TIMM44: variants seen among roughly 807,000 people sequenced by gnomAD.
The protein encoded by TIMM44 is mitochondrial import inner membrane translocase subunit TIM44.
TIMM44 carries 37 observed loss-of-function variants against 63.8 expected under a neutral mutation model. That is an observed-to-expected ratio of 0.58 (90% confidence interval 0.45 to 0.76). TIMM44 has a LOEUF of 0.76. Ranked by LOEUF, TIMM44 falls within the 30% of genes least tolerant of loss-of-function variation. The probability of loss-of-function intolerance (pLI) is 0.00; values close to 1 mark genes in which losing one functional copy is unlikely to be tolerated. For missense variants in TIMM44, 573 were observed against 603.8 expected (o/e 0.95, Z 0.54); for synonymous variants, 239 against 245.1 (o/e 0.98, Z 0.23).
chr19:7,935,167 CTTTTTTT>C, intron 3 of TIMM44, 22 bp from the exon 4 acceptor site: 32 of 1,253,948 alleles, frequency 2.6e-5, no homozygotes, highest in Non-Finnish European at 2.9e-5. Context: ...GCGCTGTGTC[CTTTTTTT>C]TTTTTTTTTT....
chr19:7,936,472 G>A (rs1488827381), intron 3 of TIMM44, among the ~76,000 whole-genome samples: 4 of 152,010 alleles, frequency 2.6e-5, no homozygotes, highest in Admixed American at 1.3e-4. Context: ...AACAAAAAAC[G>A]AACAAACAAA....
At chr19:7,938,324 T>C (rs1374818926) in intron 2 of TIMM44, 127 bp from the exon 3 acceptor site, 2 of 689,820 alleles carry the variant, frequency 2.9e-6, no homozygotes, top group Non-Finnish European at 4.8e-6. Flanking sequence ...TAATGATGAT[T>C]AGCTATCTCT....
chr19:7,931,049 T>A, intron 10 of TIMM44, 89 bp downstream of exon 10: 8 of 1,258,050 alleles, frequency 6.4e-6, no homozygotes, highest in Admixed American at 2.1e-5. Context: ...TGTTGGGAGC[T>A]ACCCCAACGG....
chr19:7,933,644 G>C lies in TIMM44; in HGVS notation c.684-74C>G. 4 of 1,422,300 alleles carry C rather than the reference G, an allele frequency of 2.8e-6. No individual in the cohort carries two copies. The highest frequency in any genetic ancestry group is 4.0e-6 in the Non-Finnish European group (4 of 1,006,646). The allele number at this position is 1,422,300 out of a possible 1,614,324, so 88.1% of individuals were successfully genotyped here. A position where few individuals can be genotyped will look rare whatever the true frequency, so the allele number is the denominator to read the frequency against. On this transcript the variant is annotated intron_variant, in intron 6 of 12. Coordinates refer to ENST00000270538, the MANE Select transcript of TIMM44 (RefSeq NM_006351.4). This position sits in a 1 kb window ranked among gnomAD's most constrained non-coding sequence, Gnocchi z 4.3. ...CTGTGCCCTCCTGCGGCTGCAGGCA[G>C]GGGGCAGTACAGGACAGCAGGCAGC...
rs374036580 is a variant in TIMM44, at chr19:7,934,266, G to A, written c.394-28C>T. ...ACTGAGACAGACACAGAGAGGGGGC[G>A]TTGGCACCGGCCCTGGCGGCCGGGG... is the stretch of plus-strand genomic sequence containing the variant. On this transcript the variant is annotated intron_variant, in intron 4 of 12. Transcript: ENST00000270538. This position sits in a 1 kb window ranked among gnomAD's most constrained non-coding sequence, Gnocchi z 5.3. 5.4e-5 allele frequency: 87 copies of A among 1,608,564 alleles called. No individual in the cohort carries two copies. The highest frequency in any genetic ancestry group is 2.5e-4 in the Admixed American group (15 of 60,006).
rs1171095040 is a variant in TIMM44 at position 7,933,263 on chromosome 19, G to A, written c.769+222C>T. On this transcript the variant is annotated intron_variant, in intron 7 of 12. Transcript: ENST00000270538. The surrounding 1 kb of genome is among the most constrained non-coding windows in gnomAD (Gnocchi z 4.3). ...GACAAGGGACAGGGGCCTGCGGCTC[G>A]TTTCGGGGCCCTGACTGTGCTTATG... 1.3e-5 allele frequency among the ~76,000 whole-genome samples: 2 copies of A among 152,148 alleles called. No homozygotes were observed. Among genetic ancestry groups the A allele is most frequent in the Admixed American group, 1.3e-4 (2 of 15,282 alleles).
chr19:7,932,479 G>A lies in TIMM44; in HGVS notation c.987+148C>T, dbSNP rs192856708. ...CACAGCTCATGGGGCAGCTGCAGCC[G>A]GGCAGGAGCCCGTGTGCAACCAGCC... is the stretch of plus-strand genomic sequence containing the variant. On this transcript the variant is annotated intron_variant, in intron 9 of 12. Transcript: ENST00000270538. 4.8e-5 allele frequency: 55 copies of A among 1,136,078 alleles called. 1 individual carries two copies. The highest frequency in any genetic ancestry group is 1.0e-4 in the Admixed American group (5 of 48,666). The allele number at this position is 1,136,078 out of a possible 1,614,324, so 70.4% of individuals were successfully genotyped here.
intron 10 of TIMM44, among the ~76,000 whole-genome samples, chr19:7,929,459 G>A (rs949897570): frequency 2.0e-5 from 3 of 152,168 alleles, no homozygotes; most frequent in Non-Finnish European, 4.4e-5. Context: ...AACCCCATCC[G>A]TGCCCCATAG....
At position 7,933,886 on chromosome 19, in the gene TIMM44, C is replaced by T. The variant is rs1324952268; in HGVS notation, c.661G>A (p.Glu221Lys). The T allele has an allele frequency of 6.2e-7, 1 of 1,614,154 alleles. No homozygotes were observed. Residue 221 changes from glutamate (E) to lysine (K), a missense_variant, in exon 6 of 13, where the codon GAG (glutamate) becomes AAG (lysine). Coordinates refer to ENST00000270538, the MANE Select transcript of TIMM44 (RefSeq NM_006351.4). The surrounding 1 kb of genome is among the most constrained non-coding windows in gnomAD (Gnocchi z 4.3). Reference sequence around the variant, plus strand: ...TACTCGTTTGGCTCAAACACTTTCTCCTCCTTGAACTTATCTCCCGCAAAC... The same window carrying T: ...TACTCGTTTGGCTCAAACACTTTCTTCTCCTTGAACTTATCTCCCGCAAAC... ...TEFAGDKFKE[E>K]KVFEPNEEAL...
At chr19:7,941,749 G>C (rs543264197) in intron 1 of TIMM44, among the ~76,000 whole-genome samples, 18 of 152,176 alleles carry the variant, frequency 1.2e-4, no homozygotes, top group African/African-American at 4.3e-4. Context: ...GGGGAAAACG[G>C]ACAGGTCCCA....
Position 7,933,065 on chromosome 19 carries a change from T to G in TIMM44, c.770-133A>C. Reference sequence around the variant, plus strand: ...CGGGTGGGGTCAGGGAGGGGACGGCTGTGGACCTGCATCCTCATCTGTGCT... The same window carrying G: ...CGGGTGGGGTCAGGGAGGGGACGGCGGTGGACCTGCATCCTCATCTGTGCT... On this transcript the variant is annotated intron_variant, in intron 7 of 12. Coordinates refer to ENST00000270538, the MANE Select transcript of TIMM44 (RefSeq NM_006351.4). The surrounding 1 kb of genome is among the most constrained non-coding windows in gnomAD (Gnocchi z 4.3). 6 of 747,868 alleles carry G rather than the reference T, an allele frequency of 8.0e-6. No individual in the cohort carries two copies. In the East Asian group the frequency reaches 1.6e-4, roughly 20 times the overall value. 46.3% of individuals were successfully genotyped at this position (747,868 alleles called of 1,614,324 possible).
rs758071555 is a variant in TIMM44 at position 7,927,275 on chromosome 19, G to C, written c.1271C>G (p.Ala424Gly). 1 of 1,611,668 alleles carries C rather than the reference G, an allele frequency of 6.2e-7. No individual in the cohort carries two copies. Among genetic ancestry groups the C allele is most frequent in the Admixed American group, 1.7e-5 (1 of 60,018 alleles). ...GAGCTCGTCCTGGTCTCGGCAGAGC[G>C]CCCACACGTACAGCATCCGCAGCAC... ...DKVLRMLYVWALCRDQDELNP... is the reference protein window; with the variant it reads ...DKVLRMLYVWGLCRDQDELNP... The change falls in exon 13 of 13, where the codon GCG becomes GGG. Residue 424 changes from alanine to glycine, a missense_variant. Physicochemically the swap from Ala to Gly is moderately conservative, Grantham distance 60. Coordinates refer to ENST00000270538, the MANE Select transcript of TIMM44 (RefSeq NM_006351.4).
At position 7,931,353 on chromosome 19, in the gene TIMM44, C is replaced by T. The variant is rs898970527; in HGVS notation, c.988-165G>A. On this transcript the variant is annotated intron_variant, in intron 9 of 12. Transcript: ENST00000270538. ...GAGCTGTGGCACTGGGTGTCCCCCC[C>T]AGGCCCGTCCCTGCTGGTGTCAGTG... 1.3e-5 allele frequency: 9 copies of T among 700,516 alleles called. No individual in the cohort carries two copies. In the African/African-American group the frequency reaches 1.6e-4, roughly 12 times the overall value. 43.4% of individuals were successfully genotyped at this position (700,516 alleles called of 1,614,324 possible). A position where few individuals can be genotyped will look rare whatever the true frequency, so the allele number is the denominator to read the frequency against.
chr19:7,937,966 C>T (rs1057255360), intron 3 of TIMM44, 61 bp downstream of exon 3: 14 of 1,601,840 alleles, frequency 8.7e-6, no homozygotes, highest in South Asian at 4.4e-5. Context: ...TGCAGTGAGC[C>T]GAGATCGCAC....
chr19:7,942,871 G>A (rs544688501), intron 1 of TIMM44, among the ~76,000 whole-genome samples: 3 of 150,534 alleles, frequency 2.0e-5, no homozygotes, highest in South Asian at 2.1e-4. Context: ...GTAGAGATGG[G>A]ATTTCACCAT....
At chr19:7,928,281 G>T in intron 10 of TIMM44, 115 bp from the exon 11 acceptor site, 1 of 883,048 alleles carries the variant, frequency 1.1e-6, no homozygotes, top group South Asian at 1.5e-5. Flanking sequence ...GCCAGCAATG[G>T]CAGAGGCCAA....
intron 10 of TIMM44, 77 bp downstream of exon 10, chr19:7,931,061 G>T: frequency 7.1e-7 from 1 of 1,417,278 alleles, no homozygotes; most frequent in Non-Finnish European, 9.8e-7. Flanking sequence ...CCCCAACGGA[G>T]CCACCGAAGT....
chr19:7,928,844 T>C (rs544264399), intron 10 of TIMM44: 1 of 151,140 alleles, frequency 6.6e-6, no homozygotes, highest in South Asian at 2.1e-4. Context: ...TCAGCTGTGT[T>C]TCCAGGGCAC....
rs1599649310 is a variant in TIMM44, at chr19:7,934,524, C to T, written c.394-286G>A. Among the ~76,000 whole-genome samples, 2 of 151,352 alleles carry T rather than the reference C, an allele frequency of 1.3e-5. No homozygotes were observed. Among genetic ancestry groups the T allele is most frequent in the South Asian group, 2.1e-4 (1 of 4,816 alleles). On this transcript the variant is annotated intron_variant, in intron 4 of 12. Transcript: ENST00000270538. This position sits in a 1 kb window ranked among gnomAD's most constrained non-coding sequence, Gnocchi z 5.3. ...GCCATGAGCACACCGCCACGGCTTC[C>T]GGGATGCTGGCCCTGGGCTCTGGGT...
Sources: gnomAD v4.1 joint callset for allele counts (sites outside exome capture counted in the v4.1 genomes callset) on GRCh38, gnomAD v4.1.1 for gene constraint, Gnocchi (gnomAD v3.1) non-coding constraint, MANE v1.5 for transcripts, NCBI Gene and HGNC (gene_info 2026-07-23, HGNC 2026-07-21) for gene names.